SRGAP2C: variants seen among roughly 807,000 people sequenced by gnomAD.
SRGAP2C encodes the protein SLIT-ROBO Rho GTPase-activating protein 2C.
In SRGAP2C, 15 loss-of-function variants were observed where a neutral mutation model predicts 25.1. The ratio of observed to expected loss-of-function variants is 0.60; its 90% CI spans 0.40 to 0.92. SRGAP2C has a LOEUF of 0.92. Ranked by LOEUF, SRGAP2C falls within the 40% of genes least tolerant of loss-of-function variation. The pLI, the probability that SRGAP2C is intolerant of heterozygous loss-of-function variation, is 0.00. For missense variants in SRGAP2C, 144 were observed against 264.4 expected (o/e 0.54, Z 3.16); for synonymous variants, 44 against 96.6 (o/e 0.46, Z 3.19).
intron 3 of SRGAP2C, among the ~76,000 whole-genome samples, chr1:121,308,407 T>TCAG (rs1657897632): frequency 6.6e-6 from 1 of 151,712 alleles, no homozygotes; most frequent in Non-Finnish European, 1.5e-5. Context: ...GTTTAAAGTC[T>TCAG]CAGCTACATT....
At chr1:121,263,430 CAAAAA>C (rs1182973540) in intron 2 of SRGAP2C, among the ~76,000 whole-genome samples, 1 of 88,000 alleles carries the variant, frequency 1.1e-5, no homozygotes, top group African/African-American at 4.0e-5. Context: ...GACTCCGTCT[CAAAAA>C]AAAAAAAAAA....
intron 3 of SRGAP2C, among the ~76,000 whole-genome samples, chr1:121,295,219 G>A (rs1657570322): frequency 7.7e-6 from 1 of 130,684 alleles, no homozygotes; most frequent in Non-Finnish European, 1.6e-5. Context: ...TGGAAGAAGT[G>A]GACAAAGGTA....
intron 3 of SRGAP2C, chr1:121,315,168 A>T (rs1658068815): frequency 2.5e-6 from 1 of 402,132 alleles, no homozygotes; most frequent in Non-Finnish European, 4.7e-6. Flanking sequence ...TTTTTAAGAG[A>T]CAGGTCCTAT....
Position 121,292,702 on chromosome 1 carries a change from G to A in SRGAP2C, c.260+7707G>A, listed in dbSNP as rs1657515872. ...AGCCAGCAGGAAAAGGCAACAGGAC[G>A]AGGGGAAGGTATGGCCTTATTTTTT... On this transcript the variant is annotated intron_variant, in intron 3 of 9. Transcript: ENST00000367123. 2.6e-5 allele frequency among the ~76,000 whole-genome samples: 2 copies of A among 76,972 alleles called. 1 individual carries two copies. Among genetic ancestry groups the A allele is most frequent in the Non-Finnish European group, 5.1e-5 (2 of 39,494 alleles). 50.5% of individuals were successfully genotyped at this position (76,972 alleles called of 152,430 possible). A position where few individuals can be genotyped will look rare whatever the true frequency, so the allele number is the denominator to read the frequency against.
intron 3 of SRGAP2C, among the ~76,000 whole-genome samples, chr1:121,298,424 C>A (rs1224368293): frequency 7.9e-6 from 1 of 126,782 alleles, no homozygotes; most frequent in Non-Finnish European, 1.6e-5. Context: ...TATTCAGCCT[C>A]CTGCAGTATC....
At chr1:121,329,206 G>C (rs1458297273) in intron 4 of SRGAP2C, among the ~76,000 whole-genome samples, 1 of 151,196 alleles carries the variant, frequency 6.6e-6, no homozygotes, top group Non-Finnish European at 1.5e-5. Flanking sequence ...GCAAGACTTC[G>C]TCTCAGAAAA....
In SRGAP2C at chr1:121,272,885, G is replaced by A. The variant is rs1570754526; in HGVS notation, c.68-11918G>A. Among the ~76,000 whole-genome samples the A allele has an allele frequency of 5.3e-5, 8 of 151,494 alleles. No individual in the cohort carries two copies. In the South Asian group the frequency reaches 1.5e-3, roughly 28 times the overall value. On this transcript the variant is annotated intron_variant, in intron 2 of 9. Transcript: ENST00000367123. The stretch of plus-strand genomic sequence containing the variant: ...TTAATGGAGGCTTACTAGGCATCAG[G>A]CATGTAGCAAGCACTTTATATTCTC...
chr1:121,295,638 G>A (rs1657579739), intron 3 of SRGAP2C, among the ~76,000 whole-genome samples: 1 of 152,202 alleles, frequency 6.6e-6, no homozygotes, highest in African/African-American at 2.4e-5. Context: ...GAGCTTGGAA[G>A]CCATAAAAGA....
At chr1:121,267,337 G>A (rs1304573393) in intron 2 of SRGAP2C, among the ~76,000 whole-genome samples, 1 of 150,764 alleles carries the variant, frequency 6.6e-6, no homozygotes. Context: ...GGGCTTACAG[G>A]TGCACCACCA....
chr1:121,193,739 C>T (rs1322720294), intron 2 of SRGAP2C, among the ~76,000 whole-genome samples: 2 of 13,422 alleles, frequency 1.5e-4, no homozygotes, highest in Non-Finnish European at 2.6e-4. Flanking sequence ...GGCTTGATCA[C>T]GGCTCACTGC....
intron 2 of SRGAP2C, among the ~76,000 whole-genome samples, chr1:121,264,722 C>T (rs1248755849): frequency 6.6e-6 from 1 of 150,722 alleles, no homozygotes; most frequent in African/African-American, 2.4e-5. Context: ...CTGTATACTC[C>T]TACAGCATCG....
intron 3 of SRGAP2C, among the ~76,000 whole-genome samples, chr1:121,308,597 T>C (rs1360778328): frequency 6.6e-6 from 1 of 151,644 alleles, no homozygotes; most frequent in East Asian, 2.0e-4. Flanking sequence ...ACCATGGTCA[T>C]GCCCCTGTAC....
intron 3 of SRGAP2C, among the ~76,000 whole-genome samples, chr1:121,314,015 G>T (rs1658030359): frequency 7.5e-6 from 1 of 132,768 alleles, no homozygotes; most frequent in South Asian, 2.5e-4. Context: ...ATATCCTGCA[G>T]AGTGTTTTCC....
At chr1:121,188,245 C>T (rs1320847659) in intron 2 of SRGAP2C, among the ~76,000 whole-genome samples, 4 of 152,100 alleles carry the variant, frequency 2.6e-5, no homozygotes, top group Admixed American at 6.5e-5. Context: ...CCCTCTGCTC[C>T]GGAAGACATG....
intron 2 of SRGAP2C, among the ~76,000 whole-genome samples, chr1:121,239,178 CTATATATATATATATATA>C (rs1213775206): frequency 1.7e-4 from 1 of 6,050 alleles, no homozygotes; most frequent in African/African-American, 7.1e-4. Context: ...GGAAAGCAGA[CTATATATATATATATATA>C]TATATATATA....
intron 2 of SRGAP2C, among the ~76,000 whole-genome samples, chr1:121,213,816 T>A (rs1266953929): frequency 1.2e-5 from 1 of 86,690 alleles, no homozygotes; most frequent in Non-Finnish European, 2.2e-5. Context: ...CCATCGTCAA[T>A]TAAATAAAAC....
At chr1:121,355,307 T>TTA (rs1659038938) in intron 4 of SRGAP2C, among the ~76,000 whole-genome samples, 1 of 5,120 alleles carries the variant, frequency 2.0e-4, no homozygotes, top group African/African-American at 9.2e-4. Context: ...TACACATTCT[T>TTA]TTTTTTTTTT....
intron 2 of SRGAP2C, among the ~76,000 whole-genome samples, chr1:121,235,626 G>A (rs1385329141): frequency 2.2e-5 from 1 of 45,756 alleles, no homozygotes; most frequent in Non-Finnish European, 3.6e-5. Flanking sequence ...TGCTTTTTCT[G>A]TTTTTTTTTT....
intron 2 of SRGAP2C, among the ~76,000 whole-genome samples, chr1:121,270,712 C>G (rs1183013054): frequency 1.4e-5 from 2 of 140,424 alleles, no homozygotes; most frequent in Non-Finnish European, 3.1e-5. Context: ...ATCCCTCACC[C>G]ATTCCCACTC....
Sources: gnomAD v4.1 joint callset for allele counts (sites outside exome capture counted in the v4.1 genomes callset) on GRCh38, gnomAD v4.1.1 for gene constraint, MANE v1.5 for transcripts, NCBI Gene and HGNC (gene_info 2026-07-23, HGNC 2026-07-21) for gene names.